Variants in LYSMD2 observed in about 807,000 individuals in gnomAD.
The protein encoded by LYSMD2 is lysM and putative peptidoglycan-binding domain-containing protein 2.
In LYSMD2, 6 loss-of-function variants were observed where a neutral mutation model predicts 17.7. The ratio of observed to expected loss-of-function variants is 0.34; its 90% confidence interval spans 0.19 to 0.67. The LOEUF is 0.67. LYSMD2 is among the 30% of genes least tolerant of loss of function. The probability of loss-of-function intolerance (pLI) is 0.69; values close to 1 mark genes in which losing one functional copy is unlikely to be tolerated. For synonymous variants in LYSMD2, 102 were observed against 129.8 expected, an observed-to-expected ratio of 0.79 and a Z score of 1.45; for missense variants, 237 against 286.7, an observed-to-expected ratio of 0.83 and a Z score of 1.25.
chr15:51,726,336 G>C (rs1016844837), intron 1 of LYSMD2, among the ~76,000 whole-genome samples: 1 of 152,220 alleles, frequency 6.6e-6, no homozygotes, highest in African/African-American at 2.4e-5. Context: ...CCCGTAGCAG[G>C]TTCAGGTATA....
intron 1 of LYSMD2, among the ~76,000 whole-genome samples, chr15:51,727,376 A>G (rs562775781): frequency 4.7e-4 from 71 of 152,260 alleles, no homozygotes; most frequent in African/African-American, 1.6e-3. Context: ...GGAGTCCCAG[A>G]TCCAAGGCTC....
intron 2 of LYSMD2, among the ~76,000 whole-genome samples, chr15:51,724,108 A>G (rs2055520610): frequency 6.6e-6 from 1 of 152,110 alleles, no homozygotes; most frequent in Admixed American, 6.5e-5. Flanking sequence ...AGTTGAACAC[A>G]GGTATCAATT....
Position 51,737,482 on chromosome 15 carries a change from G to C in LYSMD2, c.141C>G (p.Thr47=). The change falls in exon 1 of 3, where the codon ACC becomes ACG. Residue 47 remains threonine (T), a synonymous_variant. Transcript: ENST00000267838. This position sits in a 1 kb window ranked among gnomAD's most constrained non-coding sequence, Gnocchi z 4.2. The part of the protein sequence containing the change: ...EAELSLSLAR[T]KTRSYGSTAS... ...CGGTGCTGCCGTACGAGCGGGTCTT[G>C]GTGCGGGCCAGGCTCAGCGACAGCT... 1 of 1,409,056 alleles carries C rather than the reference G, an allele frequency of 7.1e-7. No homozygotes were observed. The highest frequency in any genetic ancestry group is 9.2e-7 in the Non-Finnish European group (1 of 1,083,342). 87.3% of individuals were successfully genotyped at this position (1,409,056 alleles called of 1,614,324 possible).
At chr15:51,746,884 A>T (rs897196685) in intron 1 of LYSMD2, among the ~76,000 whole-genome samples, 18 of 152,200 alleles carry the variant, frequency 1.2e-4, no homozygotes, top group African/African-American at 4.1e-4. Flanking sequence ...AAAATTTTTT[A>T]AAATAACACC....
intron 1 of LYSMD2, among the ~76,000 whole-genome samples, chr15:51,733,063 T>C (rs1481214649): frequency 6.6e-6 from 1 of 152,190 alleles, no homozygotes; most frequent in Non-Finnish European, 1.5e-5. Flanking sequence ...CTAGTCCAAC[T>C]ATACCCCACT....
At chr15:51,745,792 C>T (rs1171235260) in intron 1 of LYSMD2, among the ~76,000 whole-genome samples, 1 of 151,920 alleles carries the variant, frequency 6.6e-6, no homozygotes, top group Non-Finnish European at 1.5e-5. Context: ...ATAAAGTAGG[C>T]AAAGGATTTG....
chr15:51,730,090 T>A (rs146983051), intron 1 of LYSMD2, among the ~76,000 whole-genome samples: 132 of 152,358 alleles, frequency 8.7e-4, no homozygotes, highest in African/African-American at 3.0e-3. Context: ...ATGAATTTAC[T>A]GTCTGGTCAC....
intron 1 of LYSMD2, among the ~76,000 whole-genome samples, chr15:51,750,918 CT>C (rs2055696236): frequency 6.6e-6 from 1 of 152,212 alleles, no homozygotes; most frequent in African/African-American, 2.4e-5. Context: ...ACATATAGGA[CT>C]TTCCCGGCCC....
intron 1 of LYSMD2, among the ~76,000 whole-genome samples, chr15:51,743,778 C>T (rs1213029503): frequency 1.3e-5 from 2 of 152,156 alleles, no homozygotes; most frequent in Non-Finnish European, 1.5e-5. Flanking sequence ...TTATTCATAT[C>T]TTCTTTTATT....
chr15:51,744,541 A>G (rs984217112), intron 1 of LYSMD2, among the ~76,000 whole-genome samples: 1 of 152,100 alleles, frequency 6.6e-6, no homozygotes, highest in African/African-American at 2.4e-5. Context: ...GTTGGATTCA[A>G]TTTTTTAATA....
At chr15:51,751,191 C>T in intron 1 of LYSMD2, 1 of 693,676 alleles carries the variant, frequency 1.4e-6, no homozygotes, top group Non-Finnish European at 2.6e-6. Flanking sequence ...CTCCTTCCCT[C>T]CCTAGGCTGC....
At chr15:51,724,574 C>G (rs7167759) in intron 2 of LYSMD2, among the ~76,000 whole-genome samples, 6,475 of 130,076 alleles carry the variant, frequency 0.05, 173 homozygotes, top group African/African-American at 0.058. Flanking sequence ...CTTTCTAGAA[C>G]TAAAATGCAG....
chr15:51,728,949 CCATAATATAT>C (rs2055558682), intron 1 of LYSMD2, among the ~76,000 whole-genome samples: 1 of 152,020 alleles, frequency 6.6e-6, no homozygotes, highest in Non-Finnish European at 1.5e-5. Flanking sequence ...CAGATGAATA[CCATAATATAT>C]CATCACTGCT....
At chr15:51,748,406 T>C (rs1466992294) in intron 1 of LYSMD2, among the ~76,000 whole-genome samples, 2 of 151,996 alleles carry the variant, frequency 1.3e-5, no homozygotes, top group Non-Finnish European at 2.9e-5. Flanking sequence ...TGTTATATGA[T>C]AATATCCCAT....
Position 51,734,258 on chromosome 15 carries a change from A to T in LYSMD2, c.273+3092T>A, listed in dbSNP as rs150668154. On this transcript the variant is annotated intron_variant, in intron 1 of 2. Coordinates refer to ENST00000267838, the MANE Select transcript of LYSMD2 (RefSeq NM_153374.3). ...CTGGGTATTCCAATCCCATAGATCC[A>T]ATGTCAGCTAGGATCCTTTATTTTT... is the stretch of plus-strand genomic sequence containing the variant. Among the ~76,000 whole-genome samples the T allele has an allele frequency of 2.8e-4, 42 of 152,268 alleles. No homozygotes were observed. The East Asian group carries it at 7.7e-3, about 28-fold the overall frequency.
intron 1 of LYSMD2, among the ~76,000 whole-genome samples, chr15:51,748,256 C>T (rs1216360608): frequency 5.4e-5 from 5 of 91,980 alleles, no homozygotes; most frequent in African/African-American, 9.7e-5. Flanking sequence ...AACAAGACTC[C>T]GTCTCAAAAA....
chr15:51,737,197 G>A lies in LYSMD2; in HGVS notation c.273+153C>T, dbSNP rs906626469. ...AGCGCGCGCTGAGCGAGCCCTGGGA[G>A]CCGAGCCGCCCGGGGACGCACGGCC... On this transcript the variant is annotated intron_variant, in intron 1 of 2. Transcript: ENST00000267838. The surrounding 1 kb of genome is among the most constrained non-coding windows in gnomAD (Gnocchi z 4.2). 6.6e-6 allele frequency among the ~76,000 whole-genome samples: 1 copy of A among 152,148 alleles called. No individual in the cohort carries two copies. Among genetic ancestry groups the A allele is most frequent in the East Asian group, 1.9e-4 (1 of 5,180 alleles).
chr15:51,745,576 G>A (rs2055663610), intron 1 of LYSMD2, among the ~76,000 whole-genome samples: 1 of 152,118 alleles, frequency 6.6e-6, no homozygotes, highest in Non-Finnish European at 1.5e-5. Flanking sequence ...ATTCAACAAA[G>A]TGGGAATAAA....
At chr15:51,724,116 A>G (rs1363127343) in intron 2 of LYSMD2, among the ~76,000 whole-genome samples, 3 of 152,104 alleles carry the variant, frequency 2.0e-5, no homozygotes, top group Non-Finnish European at 4.4e-5. Flanking sequence ...ACAGGTATCA[A>G]TTTTAGTTGC....
Sources: gnomAD v4.1 joint callset for allele counts (sites outside exome capture counted in the v4.1 genomes callset) on GRCh38, gnomAD v4.1.1 for gene constraint, Gnocchi (gnomAD v3.1) non-coding constraint, MANE v1.5 for transcripts, NCBI Gene and HGNC (gene_info 2026-07-23, HGNC 2026-07-21) for gene names.